The following LNX2 variants were observed in gnomAD, a reference collection of about 807,000 sequenced individuals.
LNX2 encodes ligand of Numb protein X 2.
A neutral mutation model predicts 66.2 loss-of-function variants in LNX2; 35 were observed. The observed-to-expected ratio is 0.53, with a 90% CI of 0.40 to 0.70. The LOEUF (loss-of-function observed/expected upper bound fraction) is 0.70. LNX2 is among the 30% of genes least tolerant of loss of function. The pLI is 0.00. For synonymous variants in LNX2, 337 were observed against 315.6 expected (o/e 1.07, Z -0.72); for missense variants, 791 against 850.8 (o/e 0.93, Z 0.87).
rs183546887 is a variant in LNX2, at chr13:27,577,675, T to C, written c.407+3622A>G. Among the ~76,000 whole-genome samples the C allele has an allele frequency of 3.3e-5, 5 of 152,354 alleles. No homozygotes were observed. The East Asian group carries it at 9.6e-4, about 29-fold the overall frequency. On this transcript the variant is annotated intron_variant, in intron 2 of 9. Transcript: ENST00000316334. ...TTCTCAGCAAGGAAAGAGGCTTCTTTAAAGGTTTTCTATTGTAAACTTTTT... is the reference window on the plus strand; with the variant it reads ...TTCTCAGCAAGGAAAGAGGCTTCTTCAAAGGTTTTCTATTGTAAACTTTTT...
At chr13:27,585,664 T>C (rs1291280195) in intron 1 of LNX2, among the ~76,000 whole-genome samples, 2 of 151,994 alleles carry the variant, frequency 1.3e-5, no homozygotes, top group Non-Finnish European at 2.9e-5. Flanking sequence ...GCTAGGTATT[T>C]TAATACGGAA....
At position 27,581,569 on chromosome 13, in the gene LNX2, A is replaced by G; in HGVS notation, c.135T>C (p.Asp45=). Residue 45 remains aspartate, a synonymous_variant, in exon 2 of 10, where the codon GAT becomes GAC. Coordinates refer to ENST00000316334, the MANE Select transcript of LNX2 (RefSeq NM_153371.4). ...GGCAAATATGGCAGACTAGGTCATC[A>G]TCCACTTCATTCTGGTAATTGTACA... ...NHLYNYQNEV[D]DDLVCHICLQ... The G allele has an allele frequency of 1.2e-6, 2 of 1,614,230 alleles. No homozygotes were observed. The highest frequency in any genetic ancestry group is 2.2e-5 in the South Asian group (2 of 91,088).
At position 27,545,999 on chromosome 13, in the gene LNX2, A is replaced by T. The variant is rs1365091812; in HGVS notation, c.*2336T>A. 6.6e-6 allele frequency: 1 copy of T among 152,244 alleles called. No individual in the cohort carries two copies. The highest frequency in any genetic ancestry group is 1.5e-5 in the Non-Finnish European group (1 of 68,046). The allele number at this position is 152,244 out of a possible 1,614,324, so 9.4% of individuals were successfully genotyped here. ...AAAAATCCTGAAATAATTTAAACTG[A>T]AGGCACAGAACAAACCAAAATATTT... On this transcript the variant is annotated 3_prime_UTR_variant, in exon 10 of 10. Coordinates refer to ENST00000316334, the MANE Select transcript of LNX2 (RefSeq NM_153371.4).
intron 5 of LNX2, among the ~76,000 whole-genome samples, chr13:27,560,580 T>TATATAC (rs1361261308): frequency 6.8e-6 from 1 of 147,752 alleles, no homozygotes; most frequent in African/African-American, 2.5e-5. Flanking sequence ...TATATATATA[T>TATATAC]ATATAGCATA....
chr13:27,581,668 T>C lies in LNX2; in HGVS notation c.36A>G (p.Glu12=), dbSNP rs200124371. ...GGTTTAGAGAAGAGGAGGAGGTCTG[T>C]TCCACAGACACCATCTCATCACTTG... is the stretch of plus-strand genomic sequence containing the variant. ...GTTSDEMVSV[E]QTSSSSLNPL... is the part of the protein sequence containing the mutation. The change falls in exon 2 of 10, where the codon GAA becomes GAG. Residue 12 remains glutamate, a synonymous_variant. Coordinates refer to ENST00000316334, the MANE Select transcript of LNX2 (RefSeq NM_153371.4). 23 of 1,612,152 alleles carry C rather than the reference T, an allele frequency of 1.4e-5. No homozygotes were observed. Among genetic ancestry groups the C allele is most frequent in the Non-Finnish European group, 2.5e-6 (3 of 1,179,216 alleles).
intron 1 of LNX2, among the ~76,000 whole-genome samples, chr13:27,590,772 G>A (rs1955538946): frequency 6.6e-6 from 1 of 152,020 alleles, no homozygotes; most frequent in Non-Finnish European, 1.5e-5. Context: ...ATAAGGTAAA[G>A]GAAATAGAAC....
chr13:27,602,511 T>A (rs1226352663), intron 1 of LNX2, among the ~76,000 whole-genome samples: 1 of 149,284 alleles, frequency 6.7e-6, no homozygotes, highest in African/African-American at 2.5e-5. Flanking sequence ...TTACTCAGCA[T>A]GTTTTTGAGA....
In LNX2 at chr13:27,547,943, C is replaced by G; in HGVS notation, c.*392G>C. 1 of 183,368 alleles carries G rather than the reference C, an allele frequency of 5.5e-6. No homozygotes were observed. Among genetic ancestry groups the G allele is most frequent in the African/African-American group, 2.4e-5 (1 of 42,416 alleles). 11.4% of individuals were successfully genotyped at this position (183,368 alleles called of 1,614,324 possible). ...ACAGTGGCAGTACACGCTGTTGTTA[C>G]TGGCTTTGCTGACATCAGGCCTGAG... On this transcript the variant is annotated 3_prime_UTR_variant, in exon 10 of 10. Transcript: ENST00000316334.
Position 27,567,694 on chromosome 13 carries a change from C to T in LNX2, c.801G>A (p.Arg267=). 6.2e-7 allele frequency: 1 copy of T among 1,613,946 alleles called. No individual in the cohort carries two copies. Among genetic ancestry groups the T allele is most frequent in the Non-Finnish European group, 8.5e-7 (1 of 1,179,932 alleles). ...LINIVIQEVY[R]DGVIARDGRL... is the part of the protein sequence containing the mutation. The stretch of plus-strand genomic sequence containing the variant: ...TCCCGTCTCTGGCAATGACCCCATC[C>T]CGATAGACCTCCTGGATGACAATGT... The change falls in exon 4 of 10, where the codon CGG becomes CGA. Residue 267 remains arginine (R), a synonymous_variant. Transcript: ENST00000316334.
At chr13:27,568,284 G>A (rs961334060) in intron 3 of LNX2, among the ~76,000 whole-genome samples, 2 of 152,176 alleles carry the variant, frequency 1.3e-5, no homozygotes, top group African/African-American at 4.8e-5. Context: ...CGGAGACGTA[G>A]GAAATGAAGA....
intron 4 of LNX2, among the ~76,000 whole-genome samples, chr13:27,565,464 G>A (rs1377086247): frequency 6.6e-6 from 1 of 152,172 alleles, no homozygotes; most frequent in Non-Finnish European, 1.5e-5. Flanking sequence ...CAAGATGTCT[G>A]GGAGGATGAA....
Position 27,546,819 on chromosome 13 carries a change from T to C in LNX2, c.*1516A>G, listed in dbSNP as rs1298357109. ...TCAAGTATGTATAATATTAATAAGG[T>C]AAAGATATTTTTATCTTATTCACTT... On this transcript the variant is annotated 3_prime_UTR_variant, in exon 10 of 10. Coordinates refer to ENST00000316334, the MANE Select transcript of LNX2 (RefSeq NM_153371.4). The C allele has an allele frequency of 6.6e-6, 1 of 152,146 alleles. No individual in the cohort carries two copies. The highest frequency in any genetic ancestry group is 1.5e-5 in the Non-Finnish European group (1 of 68,002). The allele number at this position is 152,146 out of a possible 1,614,324, so 9.4% of individuals were successfully genotyped here.
rs879602006 is a variant in LNX2, at chr13:27,589,257, T to A, written c.-100-7454A>T. 2.0e-4 allele frequency among the ~76,000 whole-genome samples: 31 copies of A among 152,366 alleles called. 1 individual carries two copies. Among genetic ancestry groups the A allele is most frequent in the Admixed American group, 1.5e-3 (23 of 15,302 alleles). On this transcript the variant is annotated intron_variant, in intron 1 of 9. Coordinates refer to ENST00000316334, the MANE Select transcript of LNX2 (RefSeq NM_153371.4). ...ACTGGAAGAAGCATATCTGGATATT[T>A]AGCTGCATAGAAATATTTACCGTAT... is the stretch of plus-strand genomic sequence containing the variant.
At chr13:27,571,892 T>C (rs1955285275) in intron 2 of LNX2, among the ~76,000 whole-genome samples, 1 of 152,124 alleles carries the variant, frequency 6.6e-6, no homozygotes, top group Non-Finnish European at 1.5e-5. Context: ...GTAACAACCT[T>C]TATATACATT....
intron 8 of LNX2, among the ~76,000 whole-genome samples, chr13:27,552,847 G>C (rs956658230): frequency 6.6e-6 from 1 of 152,188 alleles, no homozygotes; most frequent in African/African-American, 2.4e-5. Context: ...CTGGGATGGG[G>C]GGAAGCCCCA....
At chr13:27,595,107 T>A (rs1955582466) in intron 1 of LNX2, among the ~76,000 whole-genome samples, 1 of 152,212 alleles carries the variant, frequency 6.6e-6, no homozygotes, top group East Asian at 1.9e-4. Flanking sequence ...ATTTGTGCTT[T>A]GGCCACACCA....
chr13:27,615,192 T>C (rs1955813564), intron 1 of LNX2, among the ~76,000 whole-genome samples: 1 of 152,258 alleles, frequency 6.6e-6, no homozygotes, highest in Non-Finnish European at 1.5e-5. Context: ...CTGGCCTCAA[T>C]TTGGGGTTCC....
Position 27,606,681 on chromosome 13 carries a change from A to G in LNX2, c.-101+13694T>C, listed in dbSNP as rs547451354. Among the ~76,000 whole-genome samples the G allele has an allele frequency of 3.9e-4, 59 of 152,330 alleles. 1 individual carries two copies. In the South Asian group the frequency reaches 6.2e-3, roughly 16 times the overall value. On this transcript the variant is annotated intron_variant, in intron 1 of 9. Coordinates refer to ENST00000316334, the MANE Select transcript of LNX2 (RefSeq NM_153371.4). ...GCCTGGAAGGATATACAAAAAAACT[A>G]ACAGCAGTCAACTCCAGGCGAACCA...
Position 27,546,434 on chromosome 13 carries a change from T to C in LNX2, c.*1901A>G, listed in dbSNP as rs1044974631. ...AAAATCAAACTGCTTCCAAAGCCAA[T>C]CATCACACAACAGTAATATACTGTA... On this transcript the variant is annotated 3_prime_UTR_variant, in exon 10 of 10. Transcript: ENST00000316334. 2 of 152,186 alleles carry C rather than the reference T, an allele frequency of 1.3e-5. No homozygotes were observed. The highest frequency in any genetic ancestry group is 2.9e-5 in the Non-Finnish European group (2 of 68,024). The allele number at this position is 152,186 out of a possible 1,614,324, so 9.4% of individuals were successfully genotyped here.
Sources: gnomAD v4.1 joint callset for allele counts (sites outside exome capture counted in the v4.1 genomes callset) on GRCh38, gnomAD v4.1.1 for gene constraint, MANE v1.5 for transcripts, NCBI Gene and HGNC (gene_info 2026-07-23, HGNC 2026-07-21) for gene names.